Variants in PRKN observed in about 807,000 individuals in gnomAD.
PRKN encodes E3 ubiquitin-protein ligase parkin.
A neutral mutation model predicts 59.5 loss-of-function variants in PRKN; 56 were observed. The observed-to-expected ratio is 0.94, with a 90% confidence interval of 0.76 to 1.18. The LOEUF (loss-of-function observed/expected upper bound fraction) is 1.18. Ranked by LOEUF, PRKN falls within the 50% of genes most tolerant of loss-of-function variation. The probability of loss-of-function intolerance (pLI) is 0.00; values close to 1 mark genes in which losing one functional copy is unlikely to be tolerated. For synonymous variants in PRKN, 250 were observed against 222.1 expected (o/e 1.13, Z -1.12); for missense variants, 657 against 596.4 (o/e 1.10, Z -1.06).
At chr6:162,681,182 GT>G (rs1448125652) in intron 1 of PRKN, among the ~76,000 whole-genome samples, 1 of 152,076 alleles carries the variant, frequency 6.6e-6, no homozygotes. Context: ...AAGAAAAATA[GT>G]TTATTAGCAA....
At chr6:162,547,845 C>G (rs966870348) in intron 1 of PRKN, among the ~76,000 whole-genome samples, 1 of 151,986 alleles carries the variant, frequency 6.6e-6, no homozygotes, top group Non-Finnish European at 1.5e-5. Flanking sequence ...GCCTCCCAAA[C>G]TGCTGGGATT....
intron 9 of PRKN, among the ~76,000 whole-genome samples, chr6:161,537,889 T>C (rs2115401527): frequency 6.6e-6 from 1 of 152,292 alleles, no homozygotes; most frequent in Non-Finnish European, 1.5e-5. Flanking sequence ...ACAGACTTCC[T>C]CCAAATTACA....
chr6:162,138,626 T>C (rs1219464461), intron 4 of PRKN, among the ~76,000 whole-genome samples: 1 of 152,086 alleles, frequency 6.6e-6, no homozygotes, highest in Non-Finnish European at 1.5e-5. Flanking sequence ...ATTTAGCTAC[T>C]ATTACAAACA....
intron 1 of PRKN, among the ~76,000 whole-genome samples, chr6:162,630,055 G>A (rs188024131): frequency 1.3e-5 from 2 of 152,204 alleles, no homozygotes; most frequent in Non-Finnish European, 1.5e-5. Flanking sequence ...AACTGTGCAC[G>A]ATGGTCTGCA....
chr6:161,776,787 G>C (rs916425900), intron 7 of PRKN, among the ~76,000 whole-genome samples: 2 of 152,186 alleles, frequency 1.3e-5, no homozygotes, highest in Non-Finnish European at 2.9e-5. Flanking sequence ...GGAGCCAATC[G>C]TATCTGGGTT....
At chr6:162,329,141 T>A (rs1043910486) in intron 2 of PRKN, among the ~76,000 whole-genome samples, 14 of 152,142 alleles carry the variant, frequency 9.2e-5, no homozygotes, top group Non-Finnish European at 1.8e-4. Flanking sequence ...AATAACTAAA[T>A]AATTGCACAG....
chr6:161,806,974 C>A (rs117561907), intron 6 of PRKN, among the ~76,000 whole-genome samples: 1,852 of 152,250 alleles, frequency 0.012, 14 homozygotes, highest in Non-Finnish European at 0.019. Flanking sequence ...TCCATCTGAA[C>A]CTAATGAGGA....
intron 2 of PRKN, among the ~76,000 whole-genome samples, chr6:162,330,604 C>A (rs1240047398): frequency 6.6e-6 from 1 of 152,176 alleles, no homozygotes; most frequent in Admixed American, 6.5e-5. Context: ...GTGTTTTGTA[C>A]AAGCAGATGG....
chr6:162,460,476 C>G (rs1791099156), intron 1 of PRKN, among the ~76,000 whole-genome samples: 2 of 152,120 alleles, frequency 1.3e-5, no homozygotes, highest in Non-Finnish European at 2.9e-5. Flanking sequence ...AATATACTAA[C>G]AAACAATGAA....
chr6:161,485,655 G>A (rs1030215668), intron 9 of PRKN, among the ~76,000 whole-genome samples: 1 of 152,090 alleles, frequency 6.6e-6, no homozygotes, highest in South Asian at 2.1e-4. Flanking sequence ...TGATGAATTA[G>A]TTAGAAATCA....
chr6:161,604,415 T>C (rs985685700), intron 7 of PRKN, among the ~76,000 whole-genome samples: 2 of 152,132 alleles, frequency 1.3e-5, no homozygotes, highest in South Asian at 4.1e-4. Flanking sequence ...GCCTCCACCA[T>C]GGTGATATGG....
intron 4 of PRKN, among the ~76,000 whole-genome samples, chr6:162,141,547 C>A (rs2128310952): frequency 6.6e-6 from 1 of 152,190 alleles, no homozygotes; most frequent in South Asian, 2.1e-4. Flanking sequence ...ACATATTTTG[C>A]TTTATTGATT....
At chr6:162,431,351 C>G (rs144023195) in intron 2 of PRKN, among the ~76,000 whole-genome samples, 2 of 152,068 alleles carry the variant, frequency 1.3e-5, no homozygotes, top group Non-Finnish European at 2.9e-5. Flanking sequence ...ATGTGATACG[C>G]GAACTGTTGT....
intron 1 of PRKN, among the ~76,000 whole-genome samples, chr6:162,668,604 A>G (rs916357099): frequency 5.3e-5 from 8 of 152,192 alleles, no homozygotes; most frequent in East Asian, 3.9e-4. Context: ...GGGGCGCAGC[A>G]GAACCATCCA....
At position 161,756,460 on chromosome 6, in the gene PRKN, A is replaced by C. The variant is rs921409735; in HGVS notation, c.871+29312T>G. On this transcript the variant is annotated intron_variant, in intron 7 of 11. Coordinates refer to ENST00000366898, the MANE Select transcript of PRKN (RefSeq NM_004562.3). ...TTGTCTCGAAAAAAAAAAAAAAAAA[A>C]AAAAAAAAAACACTTTCTCTCAGCT... 7.5e-4 allele frequency among the ~76,000 whole-genome samples: 114 copies of C among 151,492 alleles called. 1 individual carries two copies. Among genetic ancestry groups the C allele is most frequent in the African/African-American group, 2.5e-3 (103 of 41,204 alleles).
rs1179309356 is a variant in PRKN at position 161,493,796 on chromosome 6, AGAG to A, written c.1083+55055_1083+55057del. Among the ~76,000 whole-genome samples, 3 of 152,366 alleles carry A rather than the reference AGAG, an allele frequency of 2.0e-5. 1 individual carries two copies. The East Asian group carries it at 5.8e-4, about 29-fold the overall frequency. On this transcript the variant is annotated intron_variant, in intron 9 of 11. Transcript: ENST00000366898. ...TCTTGGGTTCCTCCTCTTCCTTTGC[AGAG>A]GAGATGTTTTCTGTCAGAATGATTA...
chr6:161,366,977 GT>G (rs1239552048), intron 10 of PRKN, among the ~76,000 whole-genome samples: 1,495 of 85,598 alleles, frequency 0.017, 119 homozygotes, highest in African/African-American at 0.063. Flanking sequence ...GGGTTTTTTT[GT>G]TTCCTTTTTT....
intron 7 of PRKN, among the ~76,000 whole-genome samples, chr6:161,645,389 A>G (rs9647610): frequency 0.22 from 34,220 of 152,214 alleles, 4,254 homozygotes; most frequent in Middle Eastern, 0.35. Flanking sequence ...ACTCATGGAA[A>G]TCAGTTGGAA....
chr6:162,679,214 C>A (rs1283766626), intron 1 of PRKN, among the ~76,000 whole-genome samples: 1 of 151,972 alleles, frequency 6.6e-6, no homozygotes, highest in African/African-American at 2.4e-5. Flanking sequence ...ATTCTCCTGC[C>A]TCAGCCTCCC....
Sources: gnomAD v4.1 joint callset for allele counts (sites outside exome capture counted in the v4.1 genomes callset) on GRCh38, gnomAD v4.1.1 for gene constraint, MANE v1.5 for transcripts, NCBI Gene and HGNC (gene_info 2026-07-23, HGNC 2026-07-21) for gene names.